The following GP6 variants were observed in gnomAD, a reference collection of about 807,000 sequenced individuals.
The protein encoded by GP6 is glycoprotein VI platelet, also known as platelet glycoprotein VI.
GP6 carries 45 observed loss-of-function variants against 37.3 expected under a neutral mutation model. The ratio of observed to expected loss-of-function variants is 1.21; its 90% confidence interval spans 0.95 to 1.55. The LOEUF (loss-of-function observed/expected upper bound fraction) is 1.55. Among genes scored for constraint, GP6 ranks in the 40% most tolerant of loss-of-function variants. The probability of loss-of-function intolerance (pLI) is 0.00; values close to 1 mark genes in which losing one functional copy is unlikely to be tolerated. For missense variants in GP6, 813 were observed against 760.2 expected, an observed-to-expected ratio of 1.07 and a Z score of -0.82; for synonymous variants, 340 against 316.4, an observed-to-expected ratio of 1.07 and a Z score of -0.79.
chr19:55,022,516 A>C (rs1445963279), intron 5 of GP6, among the ~76,000 whole-genome samples: 1 of 152,230 alleles, frequency 6.6e-6, no homozygotes, highest in African/African-American at 2.4e-5. Context: ...CAGGATAATC[A>C]GGCAAGAGAA....
At position 55,014,441 on chromosome 19, in the gene GP6, T is replaced by C; in HGVS notation, c.1504A>G (p.Asn502Asp). The change falls in exon 8 of 8, where the codon AAT becomes GAT. Residue 502 changes from asparagine to aspartate, a missense_variant. By Grantham distance (23) the Asn-to-Asp change is conservative. Transcript: ENST00000310373. Reference sequence around the variant, plus strand: ...CCCGTTCTGAGAGACGAAAGGAGATTTGTTAGACCGCAGTGGGAGATGGAG... The same window carrying C: ...CCCGTTCTGAGAGACGAAAGGAGATCTGTTAGACCGCAGTGGGAGATGGAG... 2 of 1,613,632 alleles carry C rather than the reference T, an allele frequency of 1.2e-6. No homozygotes were observed. Among genetic ancestry groups the C allele is most frequent in the South Asian group, 2.2e-5 (2 of 91,078 alleles).
intron 6 of GP6, 97 bp from the exon 7 acceptor site, chr19:55,015,830 A>G: frequency 1.3e-6 from 1 of 751,664 alleles, no homozygotes; most frequent in Non-Finnish European, 2.4e-6. Flanking sequence ...GGGAGGCACA[A>G]TTCCACAGCA....
chr19:55,037,623 C>CTT (rs1179101360), intron 1 of GP6, among the ~76,000 whole-genome samples: 3,890 of 50,484 alleles, frequency 0.077, 1,062 homozygotes, highest in Non-Finnish European at 0.11. Context: ...GGCACTCAGC[C>CTT]TTTTTTTTTT....
intron 1 of GP6, among the ~76,000 whole-genome samples, chr19:55,037,383 G>GTCATGTCA (rs1568656809): frequency 1.3e-5 from 2 of 149,358 alleles, no homozygotes; most frequent in Non-Finnish European, 3.0e-5. Context: ...TGTTGCCCAG[G>GTCATGTCA]CCAGAGTGCA....
At chr19:55,022,863 CACAA>C (rs2074132135) in intron 5 of GP6, among the ~76,000 whole-genome samples, 1 of 152,116 alleles carries the variant, frequency 6.6e-6, no homozygotes, top group African/African-American at 2.4e-5. Context: ...TCAGAGCGGA[CACAA>C]ACAAATGGAA....
intron 6 of GP6, among the ~76,000 whole-genome samples, chr19:55,016,300 G>A (rs2073871070): frequency 6.6e-6 from 1 of 151,652 alleles, no homozygotes; most frequent in Admixed American, 6.6e-5. Flanking sequence ...ATAGGTTGAT[G>A]TGAAAGTCAA....
chr19:55,037,017 AAAAC>A (rs2074856229), intron 1 of GP6, among the ~76,000 whole-genome samples: 2 of 152,326 alleles, frequency 1.3e-5, no homozygotes, highest in South Asian at 2.1e-4. Context: ...TCCATCTCAA[AAAAC>A]AAACAAAAAG....
At chr19:55,029,340 A>T (rs867181010) in intron 3 of GP6, among the ~76,000 whole-genome samples, 23 of 2,870 alleles carry the variant, frequency 8.0e-3, no homozygotes, top group South Asian at 0.029. Context: ...ATATATATAT[A>T]TATATATATA....
At chr19:55,024,028 G>A (rs1286951142) in intron 5 of GP6, among the ~76,000 whole-genome samples, 1 of 152,234 alleles carries the variant, frequency 6.6e-6, no homozygotes, top group Non-Finnish European at 1.5e-5. Flanking sequence ...TGACTGCGGT[G>A]ATGGTGACGC....
At chr19:55,018,512 C>G in intron 6 of GP6, 140 bp downstream of exon 6, 1 of 764,888 alleles carries the variant, frequency 1.3e-6, no homozygotes, top group Non-Finnish European at 2.4e-6. Flanking sequence ...CACCCATGCT[C>G]TAGCCTCACA....
chr19:55,019,618 C>T (rs1316210648), intron 5 of GP6, among the ~76,000 whole-genome samples: 1 of 151,420 alleles, frequency 6.6e-6, no homozygotes, highest in Non-Finnish European at 1.5e-5. Flanking sequence ...GAAGAATGAG[C>T]TCGTGTTAGC....
At chr19:55,030,603 A>C (rs544975829) in intron 3 of GP6, among the ~76,000 whole-genome samples, 14 of 151,996 alleles carry the variant, frequency 9.2e-5, no homozygotes, top group Non-Finnish European at 1.9e-4. Context: ...TCAGCCTCCC[A>C]AAGTACTGGG....
chr19:55,019,960 G>C (rs1272007256), intron 5 of GP6, among the ~76,000 whole-genome samples: 3 of 152,142 alleles, frequency 2.0e-5, no homozygotes, highest in Non-Finnish European at 4.4e-5. Flanking sequence ...ATACAGGCGT[G>C]AGCCACCGCG....
At chr19:55,024,025 G>A (rs561012435) in intron 5 of GP6, among the ~76,000 whole-genome samples, 11 of 152,354 alleles carry the variant, frequency 7.2e-5, no homozygotes, top group Admixed American at 2.6e-4. Flanking sequence ...CAGTGACTGC[G>A]GTGATGGTGA....
At chr19:55,029,080 CAAG>C (rs1297494587) in intron 3 of GP6, among the ~76,000 whole-genome samples, 3 of 142,342 alleles carry the variant, frequency 2.1e-5, no homozygotes, top group Admixed American at 1.4e-4. Context: ...ATTCACTCAA[CAAG>C]AAGAAAAAGA....
chr19:55,027,974 C>T (rs537613283), intron 3 of GP6, 112 bp from the exon 4 acceptor site: 11 of 1,022,602 alleles, frequency 1.1e-5, no homozygotes, highest in Non-Finnish European at 1.7e-5. Flanking sequence ...TGTATCCCTC[C>T]CAGAGAGCGC....
intron 4 of GP6, 75 bp from the exon 5 acceptor site, chr19:55,025,346 G>T (rs1218610841): frequency 3.3e-6 from 3 of 919,368 alleles, no homozygotes; most frequent in African/African-American, 1.6e-5. Context: ...ACATCTCCGT[G>T]ACTGAGTTTC....
At chr19:55,029,721 T>TTAAA (rs76741356) in intron 3 of GP6, among the ~76,000 whole-genome samples, 1 of 147,976 alleles carries the variant, frequency 6.8e-6, no homozygotes, top group Admixed American at 6.8e-5. Flanking sequence ...ACCACCAAGA[T>TTAAA]AAAAAAAGGT....
intron 1 of GP6, among the ~76,000 whole-genome samples, chr19:55,034,952 G>A (rs570389538): frequency 2.2e-4 from 34 of 152,174 alleles, no homozygotes; most frequent in Non-Finnish European, 3.5e-4. Flanking sequence ...CGCAAGCTCC[G>A]GCCGCTTCTC....
Sources: gnomAD v4.1 joint callset for allele counts (sites outside exome capture counted in the v4.1 genomes callset) on GRCh38, gnomAD v4.1.1 for gene constraint, MANE v1.5 for transcripts, NCBI Gene and HGNC (gene_info 2026-07-23, HGNC 2026-07-21) for gene names.